Variants in BCL9 observed in about 807,000 individuals in gnomAD.
BCL9 encodes B-cell CLL/lymphoma 9 protein.
BCL9 carries 25 observed loss-of-function variants against 88.5 expected under a neutral mutation model. The ratio of observed to expected loss-of-function variants is 0.28; its 90% CI spans 0.21 to 0.39. The LOEUF (loss-of-function observed/expected upper bound fraction) is 0.39. Among genes scored for constraint, BCL9 ranks in the 10% least tolerant of loss-of-function variants. The pLI, the probability that BCL9 is intolerant of heterozygous loss-of-function variation, is 1.00. For missense variants in BCL9, 1,817 were observed against 1,877.8 expected (o/e 0.97, Z 0.60); for synonymous variants, 711 against 673.3 (o/e 1.06, Z -0.87).
intron 5 of BCL9, 89 bp from the exon 6 acceptor site, chr1:147,614,338 T>C: frequency 7.6e-7 from 1 of 1,318,442 alleles, no homozygotes; most frequent in Non-Finnish European, 1.1e-6. Flanking sequence ...CTTGAAATTC[T>C]CAAGGTGGGT....
In BCL9 at chr1:147,624,346, T is replaced by G. The variant is rs1658820694; in HGVS notation, c.3668T>G (p.Val1223Gly). Residue 1223 changes from valine (V) to glycine (G), a missense_variant, in exon 10 of 10, where the codon GTC becomes GGC. This residue lies in a region of BCL9 where 589 missense variants were observed against 686.2 expected (regional missense o/e 0.86). Transcript: ENST00000234739. This position sits in a 1 kb window ranked among gnomAD's most constrained non-coding sequence, Gnocchi z 4.4. ...TTTACAGACCCAGATCTGCAGGAGG[T>G]CATCCGACCTGGAGCCACCGGAATA... ...SVFTDPDLQEVIRPGATGIPE... is the reference protein window; with the variant it reads ...SVFTDPDLQEGIRPGATGIPE... The G allele has an allele frequency of 6.2e-7, 1 of 1,613,964 alleles. No homozygotes were observed. The highest frequency in any genetic ancestry group is 8.5e-7 in the Non-Finnish European group (1 of 1,179,970).
chr1:147,614,886 C>G (rs1217218451), intron 6 of BCL9, among the ~76,000 whole-genome samples: 2 of 147,638 alleles, frequency 1.4e-5, no homozygotes, highest in African/African-American at 2.5e-5. Flanking sequence ...GTCGCCTAGG[C>G]TGGAGTGCAG....
intron 1 of BCL9, among the ~76,000 whole-genome samples, chr1:147,552,346 A>G (rs1416380625): frequency 6.6e-6 from 1 of 152,166 alleles, no homozygotes; most frequent in African/African-American, 2.4e-5. Flanking sequence ...AGTGGCTCAC[A>G]CCTGTAATCT....
Position 147,620,038 on chromosome 1 carries a change from C to G in BCL9, c.1883C>G (p.Ser628Cys), listed in dbSNP as rs782357864. 2 of 1,614,060 alleles carry G rather than the reference C, an allele frequency of 1.2e-6. No homozygotes were observed. Among genetic ancestry groups the G allele is most frequent in the Non-Finnish European group, 1.7e-6 (2 of 1,180,046 alleles). The change falls in exon 8 of 10, where the codon TCT becomes TGT. Residue 628 changes from serine (S) to cysteine (C), a missense_variant. By Grantham distance (112) the Ser-to-Cys change is moderately radical (BLOSUM62 -1). This residue lies in a region of BCL9 where 1,228 missense variants were observed against 1,191.6 expected (regional missense o/e 1.03). Transcript: ENST00000234739. Reference protein sequence around the residue: ...GERFPNPQGLSEEMFQQQLAE... With the variant: ...GERFPNPQGLCEEMFQQQLAE... Reference sequence around the variant, plus strand: ...CGCTTCCCAAACCCCCAAGGATTGTCTGAAGAGATGTTTCAGCAGCAGCTG... The same window carrying G: ...CGCTTCCCAAACCCCCAAGGATTGTGTGAAGAGATGTTTCAGCAGCAGCTG...
Position 147,625,170 on chromosome 1 carries a change from A to G in BCL9, c.*211A>G. ...AATCAACAGGTGTGTTTTTTTTAAG[A>G]TTTATTTTTTAAAAATTATTTTTGT... On this transcript the variant is annotated 3_prime_UTR_variant, in exon 10 of 10. Transcript: ENST00000234739. 2 of 577,220 alleles carry G rather than the reference A, an allele frequency of 3.5e-6. No homozygotes were observed. The highest frequency in any genetic ancestry group is 5.6e-6 in the Non-Finnish European group (2 of 356,620). 35.8% of individuals were successfully genotyped at this position (577,220 alleles called of 1,614,324 possible).
In BCL9 at chr1:147,620,499, A is replaced by G; in HGVS notation, c.2344A>G (p.Arg782Gly). 1 of 1,614,180 alleles carries G rather than the reference A, an allele frequency of 6.2e-7. No homozygotes were observed. ...CCAGCAGGAGTATGGCATGGGCCCC[A>G]GACCATTCCTTCCCATGTCTCAGGG... ...HPQQEYGMGP[R>G]PFLPMSQGPG... Residue 782 changes from arginine to glycine, a missense_variant, in exon 8 of 10, where the codon AGA (arginine) becomes GGA (glycine). Physicochemically the swap from Arg to Gly is moderately radical, Grantham distance 125. This residue lies in a region of BCL9 where 1,228 missense variants were observed against 1,191.6 expected (regional missense o/e 1.03). Coordinates refer to ENST00000234739, the MANE Select transcript of BCL9 (RefSeq NM_004326.4).
At chr1:147,594,796 G>A (rs1266013656) in intron 1 of BCL9, among the ~76,000 whole-genome samples, 1 of 152,194 alleles carries the variant, frequency 6.6e-6, no homozygotes, top group African/African-American at 2.4e-5. Context: ...TGGCCATATT[G>A]GACAGAGCAT....
rs139437049 is a variant in BCL9, at chr1:147,625,872, C to T, written c.*913C>T. 4.3e-5 allele frequency: 10 copies of T among 233,098 alleles called. No individual in the cohort carries two copies. In the South Asian group the frequency reaches 5.4e-4, roughly 13 times the overall value. 14.4% of individuals were successfully genotyped at this position (233,098 alleles called of 1,614,324 possible). A position where few individuals can be genotyped will look rare whatever the true frequency, so the allele number is the denominator to read the frequency against. On this transcript the variant is annotated 3_prime_UTR_variant, in exon 10 of 10. Transcript: ENST00000234739. Reference sequence around the variant, plus strand: ...TCTAGCAAAGCCTCGCCTTCCATGCCGAGCGTCCTCTTGGCTCTGAGAGGG... The same window carrying T: ...TCTAGCAAAGCCTCGCCTTCCATGCTGAGCGTCCTCTTGGCTCTGAGAGGG...
chr1:147,614,459 G>A lies in BCL9; in HGVS notation c.403G>A (p.Asp135Asn), dbSNP rs781934608. The A allele has an allele frequency of 6.2e-6, 10 of 1,613,992 alleles. No individual in the cohort carries two copies. In the South Asian group the frequency reaches 1.1e-4, roughly 18 times the overall value. ...CNSADHIKSQDSQHTPHSMTP... is the reference protein window; with the variant it reads ...CNSADHIKSQNSQHTPHSMTP... ...TTCTGCTGACCACATAAAGTCCCAG[G>A]ATTCCCAGCACACACCACACTCGAT... The change falls in exon 6 of 10, where the codon GAT becomes AAT. Residue 135 changes from aspartate (D) to asparagine (N), a missense_variant. Physicochemically the swap from Asp to Asn is conservative, Grantham distance 23. Transcript: ENST00000234739.
At chr1:147,591,203 G>C (rs1424919668) in intron 1 of BCL9, among the ~76,000 whole-genome samples, 1 of 152,120 alleles carries the variant, frequency 6.6e-6, no homozygotes, top group Non-Finnish European at 1.5e-5. Flanking sequence ...TCCATAGGCA[G>C]TATTCTGTAA....
At chr1:147,572,158 C>T (rs1035448734) in intron 1 of BCL9, among the ~76,000 whole-genome samples, 45 of 152,246 alleles carry the variant, frequency 3.0e-4, no homozygotes, top group African/African-American at 9.4e-4. Context: ...AGGAGAATGG[C>T]GTGAACCCAG....
intron 1 of BCL9, among the ~76,000 whole-genome samples, chr1:147,548,106 C>T (rs1362585370): frequency 6.6e-6 from 1 of 152,036 alleles, no homozygotes; most frequent in Non-Finnish European, 1.5e-5. Context: ...AACTTATGAA[C>T]CTTGGAGTAG....
chr1:147,615,531 G>A (rs77485643), intron 6 of BCL9, among the ~76,000 whole-genome samples: 9 of 152,252 alleles, frequency 5.9e-5, no homozygotes, highest in East Asian at 3.9e-4. Flanking sequence ...CTACCACAGC[G>A]GATTAGTTTC....
chr1:147,621,194 A>G (rs1008684308), intron 8 of BCL9, 137 bp downstream of exon 8: 35 of 1,006,482 alleles, frequency 3.5e-5, no homozygotes, highest in African/African-American at 6.5e-5. Context: ...ATTTGTGGCA[A>G]GGTGCATAAT....
At chr1:147,600,058 T>C (rs1333127502) in intron 1 of BCL9, 3 of 134,512 alleles carry the variant, frequency 2.2e-5, no homozygotes, top group African/African-American at 8.5e-5. Flanking sequence ...CGGGGCCGGC[T>C]GTACCTTTCG....
At chr1:147,582,099 G>C (rs1453049976) in intron 1 of BCL9, among the ~76,000 whole-genome samples, 1 of 152,066 alleles carries the variant, frequency 6.6e-6, no homozygotes, top group Non-Finnish European at 1.5e-5. Flanking sequence ...TATATAAATT[G>C]TATGTATGTA....
rs587658124 is a variant in BCL9 at position 147,563,965 on chromosome 1, G to T, written c.-478+22291G>T. ...ATCCTTTGAACTGTGTGAGATCTGA[G>T]GTTCAGGTTCATTCTGAATAACTCC... On this transcript the variant is annotated intron_variant, in intron 1 of 9. Transcript: ENST00000234739. 3.3e-5 allele frequency among the ~76,000 whole-genome samples: 5 copies of T among 152,316 alleles called. No individual in the cohort carries two copies. The South Asian group carries it at 1.0e-3, about 32-fold the overall frequency.
At chr1:147,608,045 G>T (rs990822165) in intron 3 of BCL9, among the ~76,000 whole-genome samples, 2 of 152,044 alleles carry the variant, frequency 1.3e-5, no homozygotes, top group Non-Finnish European at 2.9e-5. Context: ...CTGGAGAGGT[G>T]GGAGGAAAGC....
chr1:147,575,889 A>G (rs1656087231), intron 1 of BCL9, among the ~76,000 whole-genome samples: 1 of 152,114 alleles, frequency 6.6e-6, no homozygotes, highest in Admixed American at 6.5e-5. Flanking sequence ...TGCAATCTTT[A>G]AAAATGTACC....
Sources: allele counts gnomAD v4.1 joint callset (sites outside exome capture counted in the v4.1 genomes callset), GRCh38; gene constraint gnomAD v4.1.1; regional missense constraint gnomAD v4.1.1; non-coding constraint Gnocchi (gnomAD v3.1); transcripts MANE v1.5; gene names NCBI Gene and HGNC (gene_info 2026-07-23, HGNC 2026-07-21).